Variants in LARP1B observed in about 807,000 individuals in gnomAD.
LARP1B encodes the protein La ribonucleoprotein 1B.
LARP1B carries 76 observed loss-of-function variants against 114.2 expected under a neutral mutation model. That is an observed-to-expected ratio of 0.67 (90% confidence interval 0.55 to 0.81). The LOEUF (loss-of-function observed/expected upper bound fraction) is 0.81, where lower values mean the gene tolerates loss of function less well. Ranked by LOEUF, LARP1B falls within the 30% of genes least tolerant of loss-of-function variation. LARP1B has a pLI of 0.00. For synonymous variants in LARP1B, 345 were observed against 348.0 expected, an observed-to-expected ratio of 0.99 and a Z score of 0.10; for missense variants, 1,014 against 1,075.8, an observed-to-expected ratio of 0.94 and a Z score of 0.80.
At chr4:128,169,124 T>C (rs918325275) in intron 12 of LARP1B, among the ~76,000 whole-genome samples, 3 of 152,110 alleles carry the variant, frequency 2.0e-5, no homozygotes, top group African/African-American at 7.2e-5. Context: ...CTTTCATTCC[T>C]ACTATTTATA....
intron 5 of LARP1B, among the ~76,000 whole-genome samples, chr4:128,084,009 C>T (rs1309141593): frequency 1.3e-5 from 2 of 151,674 alleles, no homozygotes; most frequent in Non-Finnish European, 2.9e-5. Flanking sequence ...AGAGGTGCTC[C>T]CCACATCTCA....
In LARP1B at chr4:128,210,642, T is replaced by TA. The variant is rs1758819105; in HGVS notation, c.*590dup. The TA allele has an allele frequency of 1.1e-6, 1 of 949,296 alleles. No individual in the cohort carries two copies. Among genetic ancestry groups the TA allele is most frequent in the Non-Finnish European group, 1.3e-6 (1 of 797,156 alleles). 58.8% of individuals were successfully genotyped at this position (949,296 alleles called of 1,614,324 possible). On this transcript the variant is annotated 3_prime_UTR_variant, in exon 20 of 20. Coordinates refer to ENST00000326639, the MANE Select transcript of LARP1B (RefSeq NM_018078.4). ...AAGAAAACTTTTTTTAAAACAAAAGTAGGAATATATAGTAAGATTGTAGTT... is the reference window on the plus strand; with the variant it reads ...AAGAAAACTTTTTTTAAAACAAAAGTAAGGAATATATAGTAAGATTGTAGTT...
chr4:128,176,285 G>GTATA (rs71587371), intron 12 of LARP1B, among the ~76,000 whole-genome samples: 4 of 138,304 alleles, frequency 2.9e-5, no homozygotes, highest in South Asian at 2.2e-4. Context: ...GTGTGTGTGT[G>GTATA]TATATATATA....
At chr4:128,177,112 C>G (rs1746571104) in intron 13 of LARP1B, among the ~76,000 whole-genome samples, 1 of 152,136 alleles carries the variant, frequency 6.6e-6, no homozygotes, top group Admixed American at 6.5e-5. Flanking sequence ...AGCAAAATCT[C>G]ATATGCCAGG....
intron 15 of LARP1B, among the ~76,000 whole-genome samples, chr4:128,185,534 G>GTTT (rs56275913): frequency 6.8e-6 from 1 of 146,340 alleles, no homozygotes. Context: ...TATTTGTATT[G>GTTT]TTTTTTTTTT....
rs1290634945 is a variant in LARP1B, at chr4:128,210,671, A to G, written c.*618A>G. On this transcript the variant is annotated 3_prime_UTR_variant, in exon 20 of 20. Transcript: ENST00000326639. ...AATATATAGTAAGATTGTAGTTACA[A>G]TGAGTATATGCACTTTTGATGCTAG... The G allele has an allele frequency of 4.1e-6, 4 of 975,024 alleles. No homozygotes were observed. The highest frequency in any genetic ancestry group is 3.7e-6 in the Non-Finnish European group (3 of 820,542). The allele number at this position is 975,024 out of a possible 1,614,324, so 60.4% of individuals were successfully genotyped here. A position where few individuals can be genotyped will look rare whatever the true frequency, so the allele number is the denominator to read the frequency against.
chr4:128,190,611 G>A (rs1751940524), intron 15 of LARP1B, among the ~76,000 whole-genome samples: 2 of 152,116 alleles, frequency 1.3e-5, no homozygotes, highest in South Asian at 4.1e-4. Flanking sequence ...TTTTATAAGT[G>A]TTTGACGGTT....
At chr4:128,071,021 A>T (rs1427890896) in intron 1 of LARP1B, among the ~76,000 whole-genome samples, 1 of 151,678 alleles carries the variant, frequency 6.6e-6, no homozygotes, top group South Asian at 2.1e-4. Flanking sequence ...GTCACTTTTT[A>T]TTTATTTATT....
rs1758891435 is a variant in LARP1B, at chr4:128,211,033, A to G, written c.*980A>G. 1 of 903,100 alleles carries G rather than the reference A, an allele frequency of 1.1e-6. No individual in the cohort carries two copies. Among genetic ancestry groups the G allele is most frequent in the Non-Finnish European group, 1.3e-6 (1 of 755,276 alleles). The allele number at this position is 903,100 out of a possible 1,614,324, so 55.9% of individuals were successfully genotyped here. A position where few individuals can be genotyped will look rare whatever the true frequency, so the allele number is the denominator to read the frequency against. ...TTTTGTTTTTATAAATGTTTTCAAGAGTTATAGCAAATTGATTTCTAATTT... is the reference window on the plus strand; with the variant it reads ...TTTTGTTTTTATAAATGTTTTCAAGGGTTATAGCAAATTGATTTCTAATTT... On this transcript the variant is annotated 3_prime_UTR_variant, in exon 20 of 20. Coordinates refer to ENST00000326639, the MANE Select transcript of LARP1B (RefSeq NM_018078.4).
intron 1 of LARP1B, among the ~76,000 whole-genome samples, chr4:128,062,849 G>A (rs1052042350): frequency 6.6e-6 from 1 of 151,784 alleles, no homozygotes; most frequent in Admixed American, 6.6e-5. Context: ...CACCAACATG[G>A]CTGCACATGT....
intron 6 of LARP1B, 22 bp from the exon 7 acceptor site, chr4:128,091,325 C>T (rs762573288): frequency 1.3e-6 from 2 of 1,590,980 alleles, no homozygotes; most frequent in South Asian, 1.1e-5. Flanking sequence ...GATTACCTTT[C>T]TTTTTCTTTA....
intron 5 of LARP1B, among the ~76,000 whole-genome samples, chr4:128,085,685 A>G (rs1343545398): frequency 6.6e-6 from 1 of 152,190 alleles, no homozygotes; most frequent in African/African-American, 2.4e-5. Flanking sequence ...CTTTATTGCC[A>G]AATAATATTC....
At chr4:128,142,565 A>G (rs1054268718) in intron 11 of LARP1B, among the ~76,000 whole-genome samples, 1 of 151,006 alleles carries the variant, frequency 6.6e-6, no homozygotes, top group Non-Finnish European at 1.5e-5. Flanking sequence ...CTGGAGTTCA[A>G]TGGCGCGATC....
intron 11 of LARP1B, among the ~76,000 whole-genome samples, chr4:128,145,829 A>G (rs928000036): frequency 6.6e-6 from 1 of 152,168 alleles, no homozygotes; most frequent in African/African-American, 2.4e-5. Context: ...TAGTCATATC[A>G]GTTTTATGGT....
intron 12 of LARP1B, among the ~76,000 whole-genome samples, chr4:128,173,421 G>A (rs534452353): frequency 8.5e-5 from 13 of 152,276 alleles, no homozygotes; most frequent in African/African-American, 3.1e-4. Flanking sequence ...TGAAGTGCCA[G>A]TTCTCATGTA....
chr4:128,179,535 CT>C (rs749884173), intron 15 of LARP1B, 23 bp downstream of exon 15: 1 of 1,459,232 alleles, frequency 6.9e-7, no homozygotes, highest in Non-Finnish European at 9.3e-7. Flanking sequence ...TCAAACATTA[CT>C]TTTTTGTTCG....
At position 128,073,418 on chromosome 4, in the gene LARP1B, CAAAAAAAAAAAAAA is replaced by C. The variant is rs776553862; in HGVS notation, c.-77-1026_-77-1013del. Reference sequence around the variant, plus strand: ...GCGACAGAGTGAGAAGATTCCGTCTCAAAAAAAAAAAAAAAAAAAAAAAAAAAAAGAAAGAAAGA... The same window carrying C: ...GCGACAGAGTGAGAAGATTCCGTCTCAAAAAAAAAAAAAAAGAAAGAAAGA... On this transcript the variant is annotated intron_variant, in intron 1 of 19. Transcript: ENST00000326639. Among the ~76,000 whole-genome samples the C allele has an allele frequency of 1.9e-4, 8 of 42,916 alleles. 1 individual carries two copies. The highest frequency in any genetic ancestry group is 7.4e-4 in the African/African-American group (7 of 9,516). 28.2% of individuals were successfully genotyped at this position (42,916 alleles called of 152,430 possible). A position where few individuals can be genotyped will look rare whatever the true frequency, so the allele number is the denominator to read the frequency against.
chr4:128,111,690 CTT>C (rs4000705), intron 9 of LARP1B, among the ~76,000 whole-genome samples: 91,185 of 151,290 alleles, frequency 0.6, 28,330 homozygotes, highest in Middle Eastern at 0.8. Context: ...GGCCCTGTCT[CTT>C]TTTTTTGTTT....
intron 4 of LARP1B, among the ~76,000 whole-genome samples, chr4:128,080,761 T>C (rs1019597630): frequency 1.3e-5 from 2 of 152,164 alleles, no homozygotes; most frequent in Non-Finnish European, 2.9e-5. Context: ...AAACTGCTTG[T>C]GTTTTTTTTT....
Sources: allele counts gnomAD v4.1 joint callset (sites outside exome capture counted in the v4.1 genomes callset), GRCh38; gene constraint gnomAD v4.1.1; transcripts MANE v1.5; gene names NCBI Gene and HGNC (gene_info 2026-07-23, HGNC 2026-07-21).